Variants in SC5D observed in about 807,000 individuals in gnomAD.
The protein encoded by SC5D is sterol-C5-desaturase.
In SC5D, 21 loss-of-function variants were observed where a neutral mutation model predicts 23.9. The observed-to-expected ratio is 0.88, with a 90% CI of 0.62 to 1.26. SC5D has a LOEUF of 1.26. Ranked by LOEUF, SC5D falls within the 50% of genes most tolerant of loss-of-function variation. SC5D has a pLI of 0.00. For synonymous variants in SC5D, 113 were observed against 125.9 expected (o/e 0.90, Z 0.68); for missense variants, 309 against 364.8 (o/e 0.85, Z 1.25).
At chr11:121,305,586 G>GT (rs2134269316) in intron 3 of SC5D, 1 of 152,354 alleles carries the variant, frequency 6.6e-6, no homozygotes, top group African/African-American at 2.4e-5. Context: ...AATTAGCGGG[G>GT]TGTGGTGGTG....
chr11:121,307,597 A>T lies in SC5D; in HGVS notation c.*85A>T. On this transcript the variant is annotated 3_prime_UTR_variant, in exon 5 of 5. Coordinates refer to ENST00000264027, the MANE Select transcript of SC5D (RefSeq NM_006918.5). ...TTTTAATAAGGAAAAAATAATATCC[A>T]TACAGTCAAGATACATAGTAAATGG... 1.2e-6 allele frequency: 1 copy of T among 864,526 alleles called. No individual in the cohort carries two copies. 53.6% of individuals were successfully genotyped at this position (864,526 alleles called of 1,614,324 possible).
intron 1 of SC5D, chr11:121,293,102 G>A (rs545435080): frequency 2.0e-5 from 3 of 151,822 alleles, no homozygotes; most frequent in Admixed American, 2.0e-4. Flanking sequence ...CCGAAGACTG[G>A]CGGCGAGGGC....
At chr11:121,307,020 A>G (rs771237277) in intron 4 of SC5D, 37 bp from the exon 5 acceptor site, 16 of 1,557,008 alleles carry the variant, frequency 1.0e-5, no homozygotes, top group Non-Finnish European at 1.3e-5. Flanking sequence ...GCACGGGGTA[A>G]AGTTTGCAGT....
intron 1 of SC5D, among the ~76,000 whole-genome samples, chr11:121,297,337 A>G (rs1284249893): frequency 6.6e-6 from 1 of 152,266 alleles, no homozygotes; most frequent in Non-Finnish European, 1.5e-5. Context: ...GTAAACACCT[A>G]TATAACAGTG....
At chr11:121,301,678 G>A (rs906132895) in intron 1 of SC5D, among the ~76,000 whole-genome samples, 2 of 152,042 alleles carry the variant, frequency 1.3e-5, no homozygotes, top group South Asian at 2.1e-4. Flanking sequence ...ACTTGATAGT[G>A]GTAATGATTG....
intron 1 of SC5D, among the ~76,000 whole-genome samples, chr11:121,293,676 G>A (rs1012081135): frequency 6.6e-6 from 1 of 152,176 alleles, no homozygotes; most frequent in Admixed American, 6.5e-5. Context: ...CCCTCTGGAA[G>A]TTATTTGTCT....
intron 1 of SC5D, among the ~76,000 whole-genome samples, chr11:121,303,121 C>T (rs1233677904): frequency 1.3e-5 from 2 of 152,178 alleles, no homozygotes; most frequent in African/African-American, 4.8e-5. Flanking sequence ...GATGACCTTT[C>T]CTGGGCCTCA....
In SC5D at chr11:121,311,815, T is replaced by G. The variant is rs1591507676; in HGVS notation, c.*4303T>G. 6.6e-6 allele frequency among the ~76,000 whole-genome samples: 1 copy of G among 152,334 alleles called. No homozygotes were observed. The highest frequency in any genetic ancestry group is 2.1e-4 in the South Asian group (1 of 4,834). On this transcript the variant is annotated 3_prime_UTR_variant, in exon 5 of 5. Coordinates refer to ENST00000264027, the MANE Select transcript of SC5D (RefSeq NM_006918.5). ...CTGAAACTATTGTTCATGTAAATTG[T>G]GCTTGATGCTTTTTCTTTCTAGATT...
intron 1 of SC5D, among the ~76,000 whole-genome samples, chr11:121,298,964 C>G (rs1254925804): frequency 2.0e-5 from 3 of 152,144 alleles, no homozygotes; most frequent in African/African-American, 7.2e-5. Flanking sequence ...AAGGTAATGT[C>G]ATCAGTTAAG....
intron 1 of SC5D, 136 bp from the exon 2 acceptor site, chr11:121,303,230 G>A (rs1947937894): frequency 2.9e-6 from 2 of 684,324 alleles, no homozygotes; most frequent in Admixed American, 4.3e-5. Context: ...ATGGCATGTA[G>A]GGGATTCTGA....
At chr11:121,304,295 A>G in intron 2 of SC5D, 66 bp from the exon 3 acceptor site, 1 of 1,462,082 alleles carries the variant, frequency 6.8e-7, no homozygotes, top group Non-Finnish European at 9.6e-7. Context: ...AGTCCAGAAC[A>G]GTTTTATGCT....
At chr11:121,293,420 C>A (rs1274284198) in intron 1 of SC5D, among the ~76,000 whole-genome samples, 1 of 152,188 alleles carries the variant, frequency 6.6e-6, no homozygotes, top group Non-Finnish European at 1.5e-5. Flanking sequence ...AACTCCTGAC[C>A]ATTGCAAGCC....
intron 1 of SC5D, among the ~76,000 whole-genome samples, chr11:121,296,767 G>A (rs1389035039): frequency 1.3e-5 from 2 of 152,086 alleles, no homozygotes; most frequent in South Asian, 2.1e-4. Context: ...TGTATGATGA[G>A]GAATATATGT....
At position 121,310,830 on chromosome 11, in the gene SC5D, C is replaced by T. The variant is rs1051449099; in HGVS notation, c.*3318C>T. ...TTGAAAGCAGCAACTGGGGACTCAG[C>T]AGACACCAAACCAACTGGTGCTTAA... On this transcript the variant is annotated 3_prime_UTR_variant, in exon 5 of 5. Transcript: ENST00000264027. Among the ~76,000 whole-genome samples the T allele has an allele frequency of 2.6e-5, 4 of 152,148 alleles. No individual in the cohort carries two copies. The highest frequency in any genetic ancestry group is 1.9e-4 in the East Asian group (1 of 5,192).
At chr11:121,304,040 A>G (rs1048846558) in intron 2 of SC5D, 21 of 320,960 alleles carry the variant, frequency 6.5e-5, no homozygotes, top group African/African-American at 4.2e-4. Flanking sequence ...ACTGAACAGC[A>G]AAAAGAAAAA....
chr11:121,304,568 C>A, intron 3 of SC5D, 75 bp downstream of exon 3: 1 of 1,309,970 alleles, frequency 7.6e-7, no homozygotes, highest in South Asian at 1.3e-5. Flanking sequence ...ACAAGTCTGC[C>A]CTTTTTTTTT....
chr11:121,301,664 T>C (rs1023319646), intron 1 of SC5D, among the ~76,000 whole-genome samples: 1 of 152,180 alleles, frequency 6.6e-6, no homozygotes, highest in Non-Finnish European at 1.5e-5. Flanking sequence ...GAAAATGTTC[T>C]GAAACTTGAT....
chr11:121,298,719 G>A (rs1285130343), intron 1 of SC5D, among the ~76,000 whole-genome samples: 2 of 152,138 alleles, frequency 1.3e-5, no homozygotes, highest in East Asian at 1.9e-4. Flanking sequence ...TAATTGTCAC[G>A]CACGTCCATG....
At position 121,312,335 on chromosome 11, in the gene SC5D, G is replaced by C. The variant is rs1385679806; in HGVS notation, c.*4823G>C. Among the ~76,000 whole-genome samples, 4 of 152,090 alleles carry C rather than the reference G, an allele frequency of 2.6e-5. No homozygotes were observed. Among genetic ancestry groups the C allele is most frequent in the Non-Finnish European group, 4.4e-5 (3 of 67,982 alleles). ...AAATACAGCATTTTTAAATCTCTAA[G>C]CTCAACTTGAAGATATAAGAACAGT... On this transcript the variant is annotated 3_prime_UTR_variant, in exon 5 of 5. Coordinates refer to ENST00000264027, the MANE Select transcript of SC5D (RefSeq NM_006918.5).
Sources: gnomAD v4.1 joint callset for allele counts (sites outside exome capture counted in the v4.1 genomes callset) on GRCh38, gnomAD v4.1.1 for gene constraint, MANE v1.5 for transcripts, NCBI Gene and HGNC (gene_info 2026-07-23, HGNC 2026-07-21) for gene names.